GCA: variants seen among roughly 807,000 people sequenced by gnomAD.
The protein encoded by GCA is grancalcin, EF-hand calcium-binding protein.
A neutral mutation model predicts 32.6 loss-of-function variants in GCA; 30 were observed. The observed-to-expected ratio is 0.92, with a 90% CI of 0.69 to 1.25. The LOEUF is 1.25. Ranked by LOEUF, GCA falls within the 50% of genes most tolerant of loss-of-function variation. The probability of loss-of-function intolerance (pLI) is 0.00; values close to 1 mark genes in which losing one functional copy is unlikely to be tolerated. For missense variants in GCA, 291 were observed against 266.8 expected (o/e 1.09, Z -0.63); for synonymous variants, 102 against 84.6 (o/e 1.21, Z -1.13).
upstream of GCA, among the ~76,000 whole-genome samples, chr2:162,341,280 T>TAA (rs1378880603): frequency 7.7e-6 from 1 of 130,202 alleles, no homozygotes; most frequent in Non-Finnish European, 1.6e-5. Context: ...TATATATATA[T>TAA]ATATATATAT....
intron 5 of GCA, 69 bp downstream of exon 5, chr2:162,356,974 G>T: frequency 9.1e-7 from 1 of 1,101,706 alleles, no homozygotes; most frequent in Non-Finnish European, 1.3e-6. Flanking sequence ...GAACTTAATT[G>T]CTTCAATTTA....
chr2:162,360,396 C>T lies in GCA; in HGVS notation c.*153C>T. ...TGTGTTTTTATTTTAGCAGATAGTT[C>T]AAAGCAATAAAAGATTTCTTTTTTA... On this transcript the variant is annotated 3_prime_UTR_variant, in exon 8 of 8. Coordinates refer to ENST00000437150, the MANE Select transcript of GCA (RefSeq NM_012198.5). 7.7e-7 allele frequency: 1 copy of T among 1,300,734 alleles called. No individual in the cohort carries two copies. Among genetic ancestry groups the T allele is most frequent in the Non-Finnish European group, 9.9e-7 (1 of 1,007,344 alleles). The allele number at this position is 1,300,734 out of a possible 1,614,324, so 80.6% of individuals were successfully genotyped here.
chr2:162,327,901 G>A (rs1248732719), intron 1 of GCA, among the ~76,000 whole-genome samples: 7 of 152,248 alleles, frequency 4.6e-5, no homozygotes, highest in African/African-American at 1.4e-4. Flanking sequence ...ACAGAGGCTT[G>A]CTGGGCATGG....
rs976980582 is a variant in GCA at position 162,356,880 on chromosome 2, G to T, written c.429G>T (p.Glu143Asp). The T allele has an allele frequency of 1.2e-6, 2 of 1,609,082 alleles. No homozygotes were observed. The highest frequency in any genetic ancestry group is 1.7e-6 in the Non-Finnish European group (2 of 1,176,792). The change falls in exon 5 of 8, where the codon GAG (glutamate) becomes GAT (aspartate). Residue 143 changes from glutamate (E) to aspartate (D), a missense_variant. Coordinates refer to ENST00000437150, the MANE Select transcript of GCA (RefSeq NM_012198.5). ...QDGSGTVEHH[E>D]LRQAIGLMGY... ...GAAGTGGCACAGTAGAACATCATGAGTTGCGTCAAGCCATTGGTCTTATGG... is the reference window on the plus strand; with the variant it reads ...GAAGTGGCACAGTAGAACATCATGATTTGCGTCAAGCCATTGGTCTTATGG...
chr2:162,322,165 A>G (rs1325866015), intron 1 of GCA, among the ~76,000 whole-genome samples: 1 of 150,176 alleles, frequency 6.7e-6, no homozygotes, highest in Non-Finnish European at 1.5e-5. Context: ...CACCAATTCA[A>G]TTAAAATTCT....
chr2:162,349,278 C>A (rs544433176), intron 2 of GCA, among the ~76,000 whole-genome samples: 2 of 151,972 alleles, frequency 1.3e-5, no homozygotes, highest in East Asian at 3.9e-4. Context: ...AATCTTCAGC[C>A]TGTACCATAT....
intron 1 of GCA, among the ~76,000 whole-genome samples, chr2:162,346,380 G>T (rs1684709450): frequency 6.6e-6 from 1 of 152,144 alleles, no homozygotes; most frequent in Admixed American, 6.5e-5. Flanking sequence ...CCCATAATTT[G>T]AGAACCTGGT....
In GCA at chr2:162,352,369, G is replaced by C; in HGVS notation, c.224G>C (p.Arg75Thr). The change falls in exon 3 of 8, where the codon AGA becomes ACA. Residue 75 changes from arginine to threonine, a missense_variant. Arg to Thr is a moderately conservative substitution (Grantham distance 71). Transcript: ENST00000437150. ...GAAGTGGATGCTGAAGAACTTCAGA[G>C]ATGTTTGACACAGTCTGGAATTAAT... ...DGEVDAEELQ[R>T]CLTQSGINGT... The C allele has an allele frequency of 6.3e-7, 1 of 1,596,288 alleles. No individual in the cohort carries two copies. The highest frequency in any genetic ancestry group is 1.7e-5 in the Admixed American group (1 of 59,958).
Position 162,356,878 on chromosome 2 carries a change from G to C in GCA, c.427G>C (p.Glu143Gln), listed in dbSNP as rs957923900. 1.2e-6 allele frequency: 2 copies of C among 1,609,578 alleles called. No homozygotes were observed. Among genetic ancestry groups the C allele is most frequent in the Non-Finnish European group, 1.7e-6 (2 of 1,177,140 alleles). The change falls in exon 5 of 8, where the codon GAG (glutamate) becomes CAG (glutamine). Residue 143 changes from glutamate (E) to glutamine (Q), a missense_variant. Glu to Gln is a conservative substitution (Grantham distance 29). Coordinates refer to ENST00000437150, the MANE Select transcript of GCA (RefSeq NM_012198.5). Reference protein sequence around the residue: ...QDGSGTVEHHELRQAIGLMGY... With the variant: ...QDGSGTVEHHQLRQAIGLMGY... ...TGGAAGTGGCACAGTAGAACATCAT[G>C]AGTTGCGTCAAGCCATTGGTCTTAT...
intron 3 of GCA, among the ~76,000 whole-genome samples, chr2:162,355,003 A>T (rs749843720): frequency 6.6e-6 from 1 of 152,164 alleles, no homozygotes; most frequent in East Asian, 1.9e-4. Flanking sequence ...ATTAATTCGG[A>T]TTCTCCCACT....
intron 3 of GCA, among the ~76,000 whole-genome samples, chr2:162,352,918 G>A (rs568120879): frequency 1.4e-4 from 22 of 152,110 alleles, no homozygotes; most frequent in Admixed American, 1.3e-3. Context: ...TTATGATAAT[G>A]TATGATTACT....
At chr2:162,321,907 TATATATATATATATATATATATATATAC>T (rs758715407) in intron 1 of GCA, among the ~76,000 whole-genome samples, 3,294 of 110,936 alleles carry the variant, frequency 0.03, 242 homozygotes, top group Admixed American at 0.18. Flanking sequence ...TATATATATA[TATATATATATATATATATATATATATAC>T]ACACATACAT....
At chr2:162,332,503 G>A (rs1684131718) in intron 1 of GCA, among the ~76,000 whole-genome samples, 1 of 151,832 alleles carries the variant, frequency 6.6e-6, no homozygotes, top group African/African-American at 2.4e-5. Flanking sequence ...AGTCCACAAT[G>A]TCTTTAAACT....
chr2:162,371,530 C>G (rs1685946154), exon 5 of GCA: 1 of 1,068,154 alleles, frequency 9.4e-7, no homozygotes, highest in Non-Finnish European at 1.2e-6. Flanking sequence ...AAATAGGAGT[C>G]TCCATGCAAG....
chr2:162,341,267 TTATATATATA>T (rs3052040), upstream of GCA, among the ~76,000 whole-genome samples: 3,241 of 116,254 alleles, frequency 0.028, 123 homozygotes, highest in East Asian at 0.11. Flanking sequence ...CTTATTTATT[TTATATATATA>T]TATATATATA....
intron 1 of GCA, chr2:162,344,542 A>C: frequency 2.0e-6 from 1 of 496,476 alleles, no homozygotes; most frequent in Non-Finnish European, 3.6e-6. Flanking sequence ...TTGGAAATTT[A>C]TTTCCTGGAA....
rs553801583 is a variant in GCA, at chr2:162,331,051, T to C, written c.-31+11826T>C. 2.6e-5 allele frequency among the ~76,000 whole-genome samples: 4 copies of C among 152,350 alleles called. No homozygotes were observed. The East Asian group carries it at 7.7e-4, about 29-fold the overall frequency. ...GAACAAAGCTTACCTAACATACTTATTTTCTTTTGTGCTCAGGAGTATTAG... is the reference window on the plus strand; with the variant it reads ...GAACAAAGCTTACCTAACATACTTACTTTCTTTTGTGCTCAGGAGTATTAG... On this transcript the variant is annotated intron_variant, in intron 1 of 4. Transcript: ENST00000429691.
chr2:162,334,691 G>C (rs535591661), intron 1 of GCA, among the ~76,000 whole-genome samples: 2 of 152,278 alleles, frequency 1.3e-5, no homozygotes, highest in East Asian at 3.9e-4. Flanking sequence ...TTCCTAGTAA[G>C]CTATAAGCTT....
chr2:162,374,988 T>A (rs781103849), downstream of GCA, among the ~76,000 whole-genome samples: 9 of 152,200 alleles, frequency 5.9e-5, no homozygotes, highest in Non-Finnish European at 8.8e-5. Context: ...CCAACTAAAC[T>A]AAGCAGACCC....
Sources: gnomAD v4.1 joint callset for allele counts (sites outside exome capture counted in the v4.1 genomes callset) on GRCh38, gnomAD v4.1.1 for gene constraint, MANE v1.5 for transcripts, NCBI Gene and HGNC (gene_info 2026-07-23, HGNC 2026-07-21) for gene names.